The following ZRANB3 variants were observed in gnomAD, a reference collection of about 807,000 sequenced individuals.
ZRANB3 encodes DNA annealing helicase and endonuclease ZRANB3.
ZRANB3 carries 125 observed loss-of-function variants against 133.8 expected under a neutral mutation model. The observed-to-expected ratio is 0.93, with a 90% CI of 0.81 to 1.08. The LOEUF (loss-of-function observed/expected upper bound fraction) is 1.08, where lower values mean the gene tolerates loss of function less well. ZRANB3 is among the 50% of genes least tolerant of loss of function. The probability of loss-of-function intolerance (pLI) is 0.00; values close to 1 mark genes in which losing one functional copy is unlikely to be tolerated. For missense variants in ZRANB3, 1,229 were observed against 1,275.5 expected (o/e 0.96, Z 0.56); for synonymous variants, 387 against 432.7 (o/e 0.89, Z 1.31).
At chr2:135,212,898 A>C (rs1694158953) in intron 17 of ZRANB3, among the ~76,000 whole-genome samples, 1 of 152,224 alleles carries the variant, frequency 6.6e-6, no homozygotes, top group Admixed American at 6.5e-5. Context: ...ACAGGGCTCC[A>C]AGTGAATTAG....
chr2:135,431,120 A>AAAAT (rs1553491681), intron 2 of ZRANB3, among the ~76,000 whole-genome samples: 1 of 150,826 alleles, frequency 6.6e-6, no homozygotes, highest in Non-Finnish European at 1.5e-5. Context: ...AAAAAAAAAA[A>AAAAT]AAATAAATAA....
At chr2:135,464,979 C>T (rs1296540314) in intron 2 of ZRANB3, among the ~76,000 whole-genome samples, 1 of 152,130 alleles carries the variant, frequency 6.6e-6, no homozygotes, top group African/African-American at 2.4e-5. Context: ...GCCTGGAGGG[C>T]ATGCTATCAC....
intron 2 of ZRANB3, among the ~76,000 whole-genome samples, chr2:135,436,288 C>A (rs775277353): frequency 1.3e-5 from 2 of 152,112 alleles, no homozygotes; most frequent in Non-Finnish European, 2.9e-5. Flanking sequence ...AGATGTACAG[C>A]CTTATTTATG....
intron 2 of ZRANB3, among the ~76,000 whole-genome samples, chr2:135,493,278 A>G (rs1202869846): frequency 1.3e-5 from 2 of 149,254 alleles, no homozygotes; most frequent in African/African-American, 4.9e-5. Flanking sequence ...ACTAACTATA[A>G]AAGGAAAACT....
chr2:135,443,011 G>A (rs991361642), intron 2 of ZRANB3, among the ~76,000 whole-genome samples: 1 of 151,948 alleles, frequency 6.6e-6, no homozygotes, highest in Non-Finnish European at 1.5e-5. Context: ...AGCTACTTGG[G>A]AGGCTGAGGC....
In ZRANB3 at chr2:135,315,374, TG is replaced by T; in HGVS notation, c.833del (p.Pro278HisfsTer8). ...KVRQRIPFDL[P>X]SAAAKELNTS... ...CGGTTCTCACCTTGGCAGCTGCTGATGGAAGATCAAATGGAATACGCTGTCT... is the reference window on the plus strand; with the variant it reads ...CGGTTCTCACCTTGGCAGCTGCTGATGAAGATCAAATGGAATACGCTGTCT... On this transcript the variant is annotated frameshift_variant, in exon 7 of 21. Transcript: ENST00000264159. LOFTEE classifies it high-confidence loss of function. The T allele has an allele frequency of 6.3e-7, 1 of 1,575,816 alleles. No individual in the cohort carries two copies. The highest frequency in any genetic ancestry group is 8.6e-7 in the Non-Finnish European group (1 of 1,166,538).
chr2:135,209,423 G>C (rs1204046517), intron 17 of ZRANB3, among the ~76,000 whole-genome samples: 1 of 152,158 alleles, frequency 6.6e-6, no homozygotes, highest in Non-Finnish European at 1.5e-5. Context: ...TTATAATAGT[G>C]TATCAGTGTT....
intron 2 of ZRANB3, among the ~76,000 whole-genome samples, chr2:135,498,601 G>A (rs1338970127): frequency 6.6e-6 from 1 of 152,184 alleles, no homozygotes. Flanking sequence ...GGGAACAAGA[G>A]AGATAACCAT....
intron 1 of ZRANB3, among the ~76,000 whole-genome samples, chr2:135,525,362 G>A (rs1694107646): frequency 1.3e-5 from 2 of 152,180 alleles, no homozygotes; most frequent in South Asian, 4.1e-4. Flanking sequence ...TAGTAGGAAA[G>A]AAAATGGGAA....
Position 135,199,703 on chromosome 2 carries a change from A to G in ZRANB3, c.*639T>C, listed in dbSNP as rs1693541261. On this transcript the variant is annotated 3_prime_UTR_variant, in exon 21 of 21. Coordinates refer to ENST00000264159, the MANE Select transcript of ZRANB3 (RefSeq NM_032143.4). ...TTTCAGTTATTTAATAGTTTTAACA[A>G]TTACTTTACACAGAACCCCCAAATT... is the stretch of plus-strand genomic sequence containing the variant. 6.6e-6 allele frequency: 1 copy of G among 152,234 alleles called. No homozygotes were observed. The highest frequency in any genetic ancestry group is 1.5e-5 in the Non-Finnish European group (1 of 68,064). 9.4% of individuals were successfully genotyped at this position (152,234 alleles called of 1,614,324 possible). A position where few individuals can be genotyped will look rare whatever the true frequency, so the allele number is the denominator to read the frequency against.
rs776372976 is a variant in ZRANB3, at chr2:135,338,819, TTGTG to T, written c.677+6727_677+6730del. On this transcript the variant is annotated intron_variant, in intron 6 of 20. Transcript: ENST00000264159. Reference sequence around the variant, plus strand: ...ATGTGTGTATGTGTATATCTATATGTTGTGTATTTAATAAATATGTGAATAACAC... The same window carrying T: ...ATGTGTGTATGTGTATATCTATATGTTATTTAATAAATATGTGAATAACAC... 5.9e-5 allele frequency among the ~76,000 whole-genome samples: 9 copies of T among 152,250 alleles called. 1 individual carries two copies. Among genetic ancestry groups the T allele is most frequent in the Non-Finnish European group, 1.0e-4 (7 of 68,044 alleles).
At chr2:135,415,182 C>T (rs549423700) in intron 2 of ZRANB3, among the ~76,000 whole-genome samples, 8 of 149,220 alleles carry the variant, frequency 5.4e-5, no homozygotes, top group South Asian at 2.2e-4. Context: ...GTTTTTTGAA[C>T]GGATCAACAA....
At chr2:135,304,047 G>C (rs1682567827) in intron 8 of ZRANB3, among the ~76,000 whole-genome samples, 1 of 152,054 alleles carries the variant, frequency 6.6e-6, no homozygotes, top group African/African-American at 2.4e-5. Flanking sequence ...CTGTGAATAT[G>C]GACAATTTTA....
intron 2 of ZRANB3, among the ~76,000 whole-genome samples, chr2:135,476,199 G>A (rs958882305): frequency 2.6e-5 from 4 of 152,106 alleles, no homozygotes; most frequent in Admixed American, 1.3e-4. Context: ...TAAACAAACG[G>A]CATGAAAACA....
chr2:135,407,486 T>G (rs1199271357), intron 2 of ZRANB3, among the ~76,000 whole-genome samples: 2 of 148,350 alleles, frequency 1.3e-5, no homozygotes, highest in African/African-American at 5.2e-5. Context: ...AAAGTTCATA[T>G]GGAACCAAAA....
chr2:135,347,677 A>G (rs1685005225), intron 5 of ZRANB3, among the ~76,000 whole-genome samples: 1 of 152,246 alleles, frequency 6.6e-6, no homozygotes. Context: ...AAGTGACTTC[A>G]GTGCTTTATA....
intron 2 of ZRANB3, among the ~76,000 whole-genome samples, chr2:135,475,807 G>A (rs1691476295): frequency 6.6e-6 from 1 of 152,222 alleles, no homozygotes; most frequent in Non-Finnish European, 1.5e-5. Context: ...GCTGGGTGCA[G>A]TGGCTCACAC....
At chr2:135,334,928 ATAATT>A (rs1192627302) in intron 6 of ZRANB3, among the ~76,000 whole-genome samples, 2 of 152,004 alleles carry the variant, frequency 1.3e-5, no homozygotes, top group African/African-American at 4.8e-5. Flanking sequence ...AAAAATAAAA[ATAATT>A]TAATTTAATT....
intron 6 of ZRANB3, among the ~76,000 whole-genome samples, chr2:135,338,760 A>T (rs1684488042): frequency 6.6e-6 from 1 of 152,238 alleles, no homozygotes; most frequent in African/African-American, 2.4e-5. Flanking sequence ...ATTATTTACT[A>T]AACACGCAAT....
Sources: allele counts gnomAD v4.1 joint callset (sites outside exome capture counted in the v4.1 genomes callset), GRCh38; gene constraint gnomAD v4.1.1; transcripts MANE v1.5; gene names NCBI Gene and HGNC (gene_info 2026-07-23, HGNC 2026-07-21).